Variants in DSCAM observed in about 807,000 individuals in gnomAD.
DSCAM encodes DS cell adhesion molecule.
DSCAM carries 47 observed loss-of-function variants against 217.7 expected under a neutral mutation model. That is an observed-to-expected ratio of 0.22 (90% CI 0.17 to 0.28). The LOEUF is 0.28. DSCAM is among the 10% of genes least tolerant of loss of function. DSCAM has a pLI of 1.00. For missense variants in DSCAM, 2,080 were observed against 2,618.3 expected (o/e 0.79, Z 4.49); for synonymous variants, 1,056 against 1,015.3 (o/e 1.04, Z -0.76).
At chr21:40,141,272 A>G (rs2090286581) in intron 18 of DSCAM, among the ~76,000 whole-genome samples, 1 of 152,156 alleles carries the variant, frequency 6.6e-6, no homozygotes, top group African/African-American at 2.4e-5. Context: ...CATTTGCCCA[A>G]AATTAGAGGT....
intron 16 of DSCAM, among the ~76,000 whole-genome samples, chr21:40,160,900 C>T (rs536723787): frequency 3.4e-4 from 52 of 152,314 alleles, no homozygotes; most frequent in Admixed American, 3.0e-3. Context: ...CGACGGCAGA[C>T]GGCCTTGGTC....
rs1025131619 is a variant in DSCAM at position 40,675,165 on chromosome 21, T to G, written c.508+17645A>C. On this transcript the variant is annotated intron_variant, in intron 3 of 32. Coordinates refer to ENST00000400454, the MANE Select transcript of DSCAM (RefSeq NM_001389.5). ...AAGGAGTGTTGACGGATGCCTCACA[T>G]GTGTTCGGTTACTGTTGATAAGGAC... Among the ~76,000 whole-genome samples the G allele has an allele frequency of 6.9e-4, 105 of 152,158 alleles. 1 individual carries two copies. The highest frequency in any genetic ancestry group is 1.9e-4 in the Non-Finnish European group (13 of 68,028).
chr21:40,096,188 A>C lies in DSCAM; in HGVS notation c.3697-2314T>G, dbSNP rs144768824. On this transcript the variant is annotated intron_variant, in intron 20 of 32. Transcript: ENST00000400454. ...AAAAGAATGTAACCATTTGTCTCTT[A>C]TCTACCTAGGACCTAGAAGCCCCCT... Among the ~76,000 whole-genome samples, 312 of 152,290 alleles carry C rather than the reference A, an allele frequency of 2.0e-3. 2 individuals carry two copies. The Middle Eastern group carries it at 0.027, about 13-fold the overall frequency.
chr21:40,496,628 G>A (rs947812040), intron 3 of DSCAM, among the ~76,000 whole-genome samples: 7 of 152,062 alleles, frequency 4.6e-5, no homozygotes, highest in African/African-American at 1.7e-4. Flanking sequence ...AAAAGCACAG[G>A]CAACAAACGT....
intron 3 of DSCAM, among the ~76,000 whole-genome samples, chr21:40,522,395 T>A (rs2076366222): frequency 6.6e-6 from 1 of 152,230 alleles, no homozygotes; most frequent in Non-Finnish European, 1.5e-5. Flanking sequence ...AAAGTCAGAT[T>A]TGATGTTCAT....
chr21:40,545,979 T>C (rs1160729034), intron 3 of DSCAM, among the ~76,000 whole-genome samples: 2 of 152,136 alleles, frequency 1.3e-5, no homozygotes, highest in East Asian at 3.9e-4. Flanking sequence ...CTTTGTTCCC[T>C]CCTCCACAAA....
At chr21:40,673,888 GC>G (rs1356104090) in intron 3 of DSCAM, among the ~76,000 whole-genome samples, 1 of 152,114 alleles carries the variant, frequency 6.6e-6, no homozygotes, top group African/African-American at 2.4e-5. Flanking sequence ...AGAACCGTGA[GC>G]CGGTTAAATC....
At chr21:40,569,103 T>C (rs73366924) in intron 3 of DSCAM, among the ~76,000 whole-genome samples, 7,325 of 152,270 alleles carry the variant, frequency 0.048, 504 homozygotes, top group African/African-American at 0.15. Context: ...GACACAGACC[T>C]ACCCACTGTG....
chr21:40,765,665 AG>A (rs1366544736), intron 1 of DSCAM, among the ~76,000 whole-genome samples: 1 of 152,206 alleles, frequency 6.6e-6, no homozygotes, highest in African/African-American at 2.4e-5. Context: ...AACATTTGTG[AG>A]AAGGTGTTTC....
chr21:40,176,689 C>T (rs1297437051), intron 15 of DSCAM, among the ~76,000 whole-genome samples: 1 of 152,232 alleles, frequency 6.6e-6, no homozygotes, highest in Non-Finnish European at 1.5e-5. Flanking sequence ...TTCCCTTCCC[C>T]TTAGCTCCTC....
chr21:40,386,868 A>C (rs999633761), intron 3 of DSCAM, among the ~76,000 whole-genome samples: 6 of 152,160 alleles, frequency 3.9e-5, no homozygotes, highest in African/African-American at 1.4e-4. Flanking sequence ...TCTTTAGATA[A>C]AATTCCCTCT....
chr21:40,160,139 GGA>G (rs1284566457), intron 16 of DSCAM, among the ~76,000 whole-genome samples: 1 of 152,012 alleles, frequency 6.6e-6, no homozygotes, highest in African/African-American at 2.4e-5. Flanking sequence ...TGGGAGGTGA[GGA>G]GAGAGGAGAA....
rs373990978 is a variant in DSCAM, at chr21:40,074,836, G to C, written c.4888+201C>G. On this transcript the variant is annotated intron_variant, in intron 27 of 32. Transcript: ENST00000400454. Reference sequence around the variant, plus strand: ...GTTGGCTTTCACCTGATTTCTGACCGAGATAGGAACATTCTTATTGCTCTT... The same window carrying C: ...GTTGGCTTTCACCTGATTTCTGACCCAGATAGGAACATTCTTATTGCTCTT... Among the ~76,000 whole-genome samples, 11 of 152,314 alleles carry C rather than the reference G, an allele frequency of 7.2e-5. No individual in the cohort carries two copies. The East Asian group carries it at 1.2e-3, about 16-fold the overall frequency.
intron 32 of DSCAM, among the ~76,000 whole-genome samples, chr21:40,020,399 C>T (rs2989339): frequency 0.56 from 85,318 of 151,960 alleles, 24,828 homozygotes; most frequent in Middle Eastern, 0.69. Flanking sequence ...GCTAAAACTT[C>T]TATCCACGAA....
chr21:40,617,335 A>G (rs1193933535), intron 3 of DSCAM, among the ~76,000 whole-genome samples: 3 of 151,950 alleles, frequency 2.0e-5, no homozygotes, highest in Admixed American at 1.3e-4. Flanking sequence ...CATGTTAGCC[A>G]GGATGGTCTC....
At chr21:40,777,102 C>A (rs2091494621) in intron 1 of DSCAM, among the ~76,000 whole-genome samples, 1 of 152,108 alleles carries the variant, frequency 6.6e-6, no homozygotes, top group African/African-American at 2.4e-5. Context: ...AAGATCAAGG[C>A]ACTGGCAGGT....
At chr21:40,146,520 C>G (rs2090359323) in intron 16 of DSCAM, among the ~76,000 whole-genome samples, 1 of 152,176 alleles carries the variant, frequency 6.6e-6, no homozygotes, top group Non-Finnish European at 1.5e-5. Context: ...CCAGGGGATT[C>G]CATGCCTCAG....
At chr21:40,552,591 C>A (rs534829699) in intron 3 of DSCAM, among the ~76,000 whole-genome samples, 24 of 152,316 alleles carry the variant, frequency 1.6e-4, no homozygotes, top group African/African-American at 4.8e-4. Context: ...CACCAATCAC[C>A]TATTCTATCT....
intron 3 of DSCAM, among the ~76,000 whole-genome samples, chr21:40,539,620 A>C (rs2076528197): frequency 2.0e-5 from 3 of 152,238 alleles, no homozygotes; most frequent in Non-Finnish European, 4.4e-5. Context: ...AGTGAAATGA[A>C]ATACAGCTAA....
Sources: allele counts gnomAD v4.1 joint callset (sites outside exome capture counted in the v4.1 genomes callset), GRCh38; gene constraint gnomAD v4.1.1; transcripts MANE v1.5; gene names NCBI Gene and HGNC (gene_info 2026-07-23, HGNC 2026-07-21).